Variants in RBFOX1 observed in about 807,000 individuals in gnomAD.
The protein encoded by RBFOX1 is RNA binding fox-1 homolog 1.
Under a neutral mutation model 57.7 loss-of-function variants are expected in RBFOX1, and 8 were observed. That is an observed-to-expected ratio of 0.14 (90% CI 0.08 to 0.25). The LOEUF (loss-of-function observed/expected upper bound fraction) is 0.25, where lower values mean the gene tolerates loss of function less well. RBFOX1 is among the 10% of genes least tolerant of loss of function. The pLI is 1.00. For synonymous variants in RBFOX1, 326 were observed against 222.4 expected (o/e 1.47, Z -4.15); for missense variants, 611 against 548.5 (o/e 1.11, Z -1.14).
intron 1 of RBFOX1, among the ~76,000 whole-genome samples, chr16:5,311,682 C>A (rs1596481833): frequency 6.6e-6 from 1 of 152,138 alleles, no homozygotes; most frequent in East Asian, 1.9e-4. Flanking sequence ...GTTTGTTGGT[C>A]ATTTGTATAT....
At chr16:5,263,803 G>C (rs759884577) in intron 1 of RBFOX1, among the ~76,000 whole-genome samples, 5 of 152,182 alleles carry the variant, frequency 3.3e-5, no homozygotes, top group Non-Finnish European at 7.3e-5. Flanking sequence ...TACAGAAGAG[G>C]TTTAAAGTCA....
intron 3 of RBFOX1, among the ~76,000 whole-genome samples, chr16:5,633,539 G>A (rs1337969617): frequency 6.6e-6 from 1 of 151,964 alleles, no homozygotes; most frequent in Non-Finnish European, 1.5e-5. Context: ...AATCTACAAG[G>A]AACTCAAATC....
At chr16:7,326,742 C>G (rs947982787) in intron 4 of RBFOX1, among the ~76,000 whole-genome samples, 1 of 151,946 alleles carries the variant, frequency 6.6e-6, no homozygotes, top group Admixed American at 6.6e-5. Context: ...CGACAGAGCC[C>G]AGATCCCCCA....
At chr16:6,495,551 A>T (rs2095747900) in intron 2 of RBFOX1, among the ~76,000 whole-genome samples, 1 of 152,250 alleles carries the variant, frequency 6.6e-6, no homozygotes, top group African/African-American at 2.4e-5. Flanking sequence ...CTGAAAAGAA[A>T]TAATAAATGA....
intron 4 of RBFOX1, among the ~76,000 whole-genome samples, chr16:7,237,519 A>G (rs760990739): frequency 3.3e-5 from 5 of 152,208 alleles, no homozygotes; most frequent in Non-Finnish European, 7.3e-5. Context: ...AGCACAATAG[A>G]ATGAGAAAAG....
At chr16:6,949,806 T>G (rs540044166) in intron 3 of RBFOX1, among the ~76,000 whole-genome samples, 20 of 151,348 alleles carry the variant, frequency 1.3e-4, no homozygotes, top group South Asian at 4.2e-4. Flanking sequence ...AATTTTTTTT[T>G]TCTGTGTGTG....
At chr16:6,301,903 G>A (rs1466522918) in intron 1 of RBFOX1, among the ~76,000 whole-genome samples, 1 of 152,078 alleles carries the variant, frequency 6.6e-6, no homozygotes, top group Non-Finnish European at 1.5e-5. Flanking sequence ...GGTAGCACAG[G>A]TAGTCCAGCC....
chr16:6,312,961 G>A (rs909110251), intron 1 of RBFOX1, among the ~76,000 whole-genome samples: 4 of 152,136 alleles, frequency 2.6e-5, no homozygotes, highest in African/African-American at 7.2e-5. Flanking sequence ...TTAATTGGAT[G>A]CAAAATGCAA....
intron 3 of RBFOX1, among the ~76,000 whole-genome samples, chr16:6,781,350 G>C (rs921783357): frequency 6.6e-6 from 1 of 151,916 alleles, no homozygotes; most frequent in Non-Finnish European, 1.5e-5. Flanking sequence ...GAGGATTTTT[G>C]CATTCATGTT....
At chr16:5,909,957 G>A (rs572408682) in intron 4 of RBFOX1, among the ~76,000 whole-genome samples, 2 of 152,298 alleles carry the variant, frequency 1.3e-5, no homozygotes, top group South Asian at 4.1e-4. Flanking sequence ...GGAGGCTAAG[G>A]CAGGAGAGTC....
chr16:6,519,261 C>T (rs2096454136), intron 2 of RBFOX1, among the ~76,000 whole-genome samples: 1 of 151,988 alleles, frequency 6.6e-6, no homozygotes, highest in Non-Finnish European at 1.5e-5. Context: ...CTCTGTGCAC[C>T]AGAAAGGGTC....
At chr16:6,458,667 C>A (rs2094835747) in intron 2 of RBFOX1, among the ~76,000 whole-genome samples, 1 of 152,184 alleles carries the variant, frequency 6.6e-6, no homozygotes. Flanking sequence ...AGAGGCCCCT[C>A]AAACCACAGG....
intron 3 of RBFOX1, among the ~76,000 whole-genome samples, chr16:6,663,635 G>A (rs1172454018): frequency 6.6e-6 from 1 of 152,224 alleles, no homozygotes; most frequent in Non-Finnish European, 1.5e-5. Flanking sequence ...ATCTGGATGA[G>A]ACTCACAGAG....
intron 4 of RBFOX1, among the ~76,000 whole-genome samples, chr16:7,189,359 G>C (rs1212906532): frequency 6.8e-6 from 1 of 147,220 alleles, no homozygotes; most frequent in Non-Finnish European, 1.5e-5. Context: ...CCGGGAGGTG[G>C]AGCTTGCAGT....
chr16:6,165,886 A>G (rs903796572), intron 1 of RBFOX1, among the ~76,000 whole-genome samples: 2 of 152,184 alleles, frequency 1.3e-5, no homozygotes, highest in African/African-American at 4.8e-5. Context: ...AAATGGGCCA[A>G]TGCATGAAAA....
intron 1 of RBFOX1, among the ~76,000 whole-genome samples, chr16:5,337,601 A>G (rs1447837246): frequency 2.6e-5 from 4 of 152,228 alleles, no homozygotes; most frequent in Admixed American, 6.5e-5. Context: ...AAAAATAAAT[A>G]TTGTTGAATG....
chr16:6,642,389 C>G (rs898039393), intron 2 of RBFOX1, among the ~76,000 whole-genome samples: 1 of 152,084 alleles, frequency 6.6e-6, no homozygotes, highest in Non-Finnish European at 1.5e-5. Flanking sequence ...ATGCATAGCT[C>G]TTATTTGCAA....
At chr16:7,649,780 G>A (rs1279499445) in intron 11 of RBFOX1, among the ~76,000 whole-genome samples, 2 of 152,094 alleles carry the variant, frequency 1.3e-5, no homozygotes, top group African/African-American at 4.8e-5. Flanking sequence ...CCCTTACGCA[G>A]CTTGCATGCA....
At chr16:6,503,348 C>T (rs955944558) in intron 2 of RBFOX1, among the ~76,000 whole-genome samples, 3 of 152,184 alleles carry the variant, frequency 2.0e-5, no homozygotes, top group Non-Finnish European at 2.9e-5. Flanking sequence ...CCTGGGGAGT[C>T]ATAGCACTCT....
Sources: gnomAD v4.1 joint callset for allele counts (sites outside exome capture counted in the v4.1 genomes callset) on GRCh38, gnomAD v4.1.1 for gene constraint, MANE v1.5 for transcripts, NCBI Gene and HGNC (gene_info 2026-07-23, HGNC 2026-07-21) for gene names.